SH3RF2: variants seen among roughly 807,000 people sequenced by gnomAD.
The protein encoded by SH3RF2 is E3 ubiquitin-protein ligase SH3RF2.
Under a neutral mutation model 59.0 loss-of-function variants are expected in SH3RF2, and 43 were observed. That is an observed-to-expected ratio of 0.73 (90% CI 0.57 to 0.94). SH3RF2 has a LOEUF of 0.94. SH3RF2 is among the 40% of genes least tolerant of loss of function. The pLI, the probability that SH3RF2 is intolerant of heterozygous loss-of-function variation, is 0.00. For missense variants in SH3RF2, 930 were observed against 940.1 expected, an observed-to-expected ratio of 0.99 and a Z score of 0.14; for synonymous variants, 391 against 391.5, an observed-to-expected ratio of 1.00 and a Z score of 0.01.
At chr5:146,007,827 A>G (rs1760710285) in intron 4 of SH3RF2, among the ~76,000 whole-genome samples, 1 of 152,144 alleles carries the variant, frequency 6.6e-6, no homozygotes, top group African/African-American at 2.4e-5. Flanking sequence ...TAATCTGGAA[A>G]CCTGATTTTC....
chr5:146,060,035 CCT>C lies in SH3RF2; in HGVS notation c.1727_1728del (p.Leu576HisfsTer14). The C allele has an allele frequency of 6.2e-7, 1 of 1,612,420 alleles. No homozygotes were observed. Among genetic ancestry groups the C allele is most frequent in the Non-Finnish European group, 8.5e-7 (1 of 1,179,178 alleles). ...TGGTGGAGATGGGGTCCAAGCCTGC[CCT>C]CACGGGGGAGCCCGCCCTCACGTGC... ...VVVEMGSKPA[L>X]TGEPALTCIS... is the part of the protein sequence containing the mutation. On this transcript the variant is annotated frameshift_variant, in exon 9 of 10. Transcript: ENST00000359120. LOFTEE classifies it high-confidence loss of function.
At chr5:145,995,018 C>T (rs930451967) in intron 2 of SH3RF2, among the ~76,000 whole-genome samples, 5 of 140,870 alleles carry the variant, frequency 3.5e-5, no homozygotes, top group African/African-American at 1.3e-4. Context: ...AAAAAAAAAG[C>T]CTCACAGTTC....
rs539483907 is a variant in SH3RF2, at chr5:146,006,098, A to G, written c.744+1945A>G. 1.4e-4 allele frequency among the ~76,000 whole-genome samples: 22 copies of G among 152,312 alleles called. 3 individuals carry two copies. The highest frequency in any genetic ancestry group is 5.1e-4 in the African/African-American group (21 of 41,562). On this transcript the variant is annotated intron_variant, in intron 4 of 9. Transcript: ENST00000359120. ...CTCAGAGACTATAAATTCAGAAAGT[A>G]TTCCAGTAATTGCAAGTGTGTTGAA...
At position 146,070,144 on chromosome 5, in the gene SH3RF2, T is replaced by C. The variant is rs1168550073; in HGVS notation, c.*33+7410T>C. On this transcript the variant is annotated intron_variant, in intron 9 of 9. Transcript: ENST00000511217. ...ACTGCTATTTTCCCATTTTGAAGAT[T>C]AGAATTGAGACTCAGAGGTCAAATG... Among the ~76,000 whole-genome samples the C allele has an allele frequency of 2.6e-5, 4 of 152,178 alleles. No homozygotes were observed. In the East Asian group the frequency reaches 7.7e-4, roughly 29 times the overall value.
chr5:146,000,086 A>G lies in SH3RF2; in HGVS notation c.407A>G (p.Tyr136Cys), dbSNP rs1346777529. The change falls in exon 3 of 10, where the codon TAC becomes TGC. Residue 136 changes from tyrosine to cysteine, a missense_variant. By Grantham distance (194) the Tyr-to-Cys change is radical. Transcript: ENST00000359120. Reference sequence around the variant, plus strand: ...CCTCGAGCAAAGGCCTTATGCAACTACAGAGGGCAGAATCCCGGTGACCTA... The same window carrying G: ...CCTCGAGCAAAGGCCTTATGCAACTGCAGAGGGCAGAATCCCGGTGACCTA... Reference protein sequence around the residue: ...GVPRAKALCNYRGQNPGDLRF... With the variant: ...GVPRAKALCNCRGQNPGDLRF... 1 of 1,613,408 alleles carries G rather than the reference A, an allele frequency of 6.2e-7. No individual in the cohort carries two copies. The highest frequency in any genetic ancestry group is 1.3e-5 in the African/African-American group (1 of 75,042).
chr5:145,952,890 G>C (rs1758247590), intron 2 of SH3RF2, among the ~76,000 whole-genome samples: 1 of 152,126 alleles, frequency 6.6e-6, no homozygotes. Context: ...ATAAAACCCA[G>C]ACCTTAGAAC....
intron 8 of SH3RF2, among the ~76,000 whole-genome samples, chr5:146,058,120 T>C (rs1762750459): frequency 6.6e-6 from 1 of 152,136 alleles, no homozygotes. Flanking sequence ...TGCAAAACCT[T>C]GATTGGCATG....
intron 5 of SH3RF2, among the ~76,000 whole-genome samples, chr5:146,038,848 G>A (rs1762031436): frequency 6.6e-6 from 1 of 152,334 alleles, no homozygotes. Flanking sequence ...AACGCCAAGT[G>A]CCAAGACACT....
intron 4 of SH3RF2, among the ~76,000 whole-genome samples, chr5:146,005,649 T>A (rs1252986052): frequency 1.3e-5 from 2 of 152,168 alleles, no homozygotes; most frequent in Non-Finnish European, 2.9e-5. Flanking sequence ...GCCTTTTCTC[T>A]TGCTGGGACC....
Position 146,057,962 on chromosome 5 carries a change from CTCTCTCTATCTA to C in SH3RF2, c.1555+1753_1555+1764del, listed in dbSNP as rs1262581970. Among the ~76,000 whole-genome samples, 86 of 76,920 alleles carry C rather than the reference CTCTCTCTATCTA, an allele frequency of 1.1e-3. 2 individuals carry two copies. The highest frequency in any genetic ancestry group is 4.8e-3 in the Admixed American group (33 of 6,822). The allele number at this position is 76,920 out of a possible 152,430, so 50.5% of individuals were successfully genotyped here. ...TCTCTCTCTCTCTCTCTCTCTCTCTCTCTCTCTATCTATCTATCTATCTATATATATATATTT... is the reference window on the plus strand; with the variant it reads ...TCTCTCTCTCTCTCTCTCTCTCTCTCTCTATCTATCTATATATATATATTT... On this transcript the variant is annotated intron_variant, in intron 8 of 9. Coordinates refer to ENST00000359120, the MANE Select transcript of SH3RF2 (RefSeq NM_152550.4).
intron 5 of SH3RF2, among the ~76,000 whole-genome samples, chr5:146,045,450 A>G (rs1407843955): frequency 6.6e-6 from 1 of 152,230 alleles, no homozygotes; most frequent in Admixed American, 6.5e-5. Context: ...TCACTTCAAA[A>G]AGAAACCTTG....
intron 2 of SH3RF2, among the ~76,000 whole-genome samples, chr5:145,975,796 G>T (rs1229937287): frequency 6.6e-6 from 1 of 152,274 alleles, no homozygotes; most frequent in African/African-American, 2.4e-5. Flanking sequence ...TAGCTGTGGA[G>T]CTGTAGGGCT....
At chr5:146,074,157 A>G (rs1763295314) in intron 9 of SH3RF2, among the ~76,000 whole-genome samples, 1 of 149,432 alleles carries the variant, frequency 6.7e-6, no homozygotes, top group Non-Finnish European at 1.5e-5. Flanking sequence ...CTCCTGCCTC[A>G]GCCTCCCGAG....
At chr5:146,024,752 T>C (rs1761465710) in intron 5 of SH3RF2, among the ~76,000 whole-genome samples, 1 of 152,234 alleles carries the variant, frequency 6.6e-6, no homozygotes, top group Non-Finnish European at 1.5e-5. Flanking sequence ...GGGATCCAGA[T>C]GCATTCTTCT....
At chr5:146,046,607 A>G (rs915924705) in intron 5 of SH3RF2, among the ~76,000 whole-genome samples, 2 of 152,212 alleles carry the variant, frequency 1.3e-5, no homozygotes, top group Non-Finnish European at 2.9e-5. Flanking sequence ...CGTATTGAGC[A>G]TGCAGAAATA....
At chr5:145,986,151 T>G (rs1759696327) in intron 2 of SH3RF2, among the ~76,000 whole-genome samples, 1 of 152,010 alleles carries the variant, frequency 6.6e-6, no homozygotes, top group Non-Finnish European at 1.5e-5. Context: ...AAGGACACAG[T>G]GTATAAGTTG....
chr5:146,011,780 G>T (rs1760911423), intron 4 of SH3RF2, among the ~76,000 whole-genome samples: 1 of 152,176 alleles, frequency 6.6e-6, no homozygotes, highest in African/African-American at 2.4e-5. Context: ...GAGATTTTGG[G>T]CTAAGACGAT....
At position 145,939,314 on chromosome 5, in the gene SH3RF2, A is replaced by T. The variant is rs539624906; in HGVS notation, c.378+1008A>T. Among the ~76,000 whole-genome samples, 9 of 152,356 alleles carry T rather than the reference A, an allele frequency of 5.9e-5. No homozygotes were observed. The East Asian group carries it at 1.5e-3, about 26-fold the overall frequency. On this transcript the variant is annotated intron_variant, in intron 2 of 9. Coordinates refer to ENST00000359120, the MANE Select transcript of SH3RF2 (RefSeq NM_152550.4). ...TTACCTAGAGCAAGCATTAGAGTCT[A>T]AATGCTGGCAGCAGTGTCCCACATC... is the stretch of plus-strand genomic sequence containing the variant.
chr5:146,027,684 C>A (rs1258551201), intron 5 of SH3RF2, among the ~76,000 whole-genome samples: 1 of 152,166 alleles, frequency 6.6e-6, no homozygotes, highest in South Asian at 2.1e-4. Context: ...GAGAAGCCTG[C>A]CTGGAAGAAG....
Sources: allele counts gnomAD v4.1 joint callset (sites outside exome capture counted in the v4.1 genomes callset), GRCh38; gene constraint gnomAD v4.1.1; transcripts MANE v1.5; gene names NCBI Gene and HGNC (gene_info 2026-07-23, HGNC 2026-07-21).